The following SNUPN variants were observed in gnomAD, a reference collection of about 807,000 sequenced individuals.
The protein encoded by SNUPN is snurportin-1.
A neutral mutation model predicts 39.2 loss-of-function variants in SNUPN; 31 were observed. That is an observed-to-expected ratio of 0.79 (90% confidence interval 0.59 to 1.07). The LOEUF (loss-of-function observed/expected upper bound fraction) is 1.07, where lower values mean the gene tolerates loss of function less well. SNUPN is among the 50% of genes least tolerant of loss of function. The pLI is 0.00. For missense variants in SNUPN, 382 were observed against 434.2 expected (o/e 0.88, Z 1.07); for synonymous variants, 132 against 159.0 (o/e 0.83, Z 1.28).
chr15:75,624,708 C>A (rs765199693), intron 1 of SNUPN: 1 of 1,260,004 alleles, frequency 7.9e-7, no homozygotes, highest in African/African-American at 1.6e-5. Context: ...TGGGGCGGTT[C>A]CTTTACCTTC....
intron 3 of SNUPN, among the ~76,000 whole-genome samples, chr15:75,613,418 G>A (rs986401131): frequency 6.6e-6 from 1 of 151,844 alleles, no homozygotes; most frequent in Non-Finnish European, 1.5e-5. Context: ...GCCGAGGTGG[G>A]CGGATCACAA....
At chr15:75,602,559 G>A (rs1396601191) in intron 7 of SNUPN, among the ~76,000 whole-genome samples, 2 of 151,334 alleles carry the variant, frequency 1.3e-5, no homozygotes, top group African/African-American at 2.4e-5. Flanking sequence ...TGATGCACAG[G>A]CCCTACTCTG....
intron 3 of SNUPN, among the ~76,000 whole-genome samples, chr15:75,611,247 C>G (rs1892770767): frequency 6.6e-6 from 1 of 151,124 alleles, no homozygotes; most frequent in African/African-American, 2.4e-5. Context: ...CCTTTAGGCA[C>G]TCACTCCCAA....
chr15:75,610,956 T>G (rs1291560527), intron 3 of SNUPN, among the ~76,000 whole-genome samples: 2 of 151,732 alleles, frequency 1.3e-5, no homozygotes, highest in Non-Finnish European at 2.9e-5. Flanking sequence ...GATCACGAGG[T>G]CAAGAGATTG....
intron 3 of SNUPN, among the ~76,000 whole-genome samples, chr15:75,616,010 TAACACA>T (rs1892923687): frequency 6.6e-6 from 1 of 152,218 alleles, no homozygotes; most frequent in Non-Finnish European, 1.5e-5. Context: ...TAGCCTAGTT[TAACACA>T]GAGCAGGTCT....
At position 75,601,172 on chromosome 15, in the gene SNUPN, A is replaced by G. The variant is rs766525955; in HGVS notation, c.725T>C (p.Leu242Pro). 15 of 1,613,854 alleles carry G rather than the reference A, an allele frequency of 9.3e-6. No individual in the cohort carries two copies. The highest frequency in any genetic ancestry group is 1.3e-5 in the Non-Finnish European group (15 of 1,179,766). Reference protein sequence around the residue: ...LKNFPCTPESLCDVLSMDFPF... With the variant: ...LKNFPCTPESPCDVLSMDFPF... ...GAAATCCATAGATAGCACATCACAC[A>G]GGCTTTCGGGAGTGCAAGGGAAGTT... Residue 242 changes from leucine to proline, a missense_variant, in exon 8 of 9, where the codon CTG becomes CCG. Physicochemically the swap from Leu to Pro is moderately conservative, Grantham distance 98 (BLOSUM62 -3). Coordinates refer to ENST00000308588, the MANE Select transcript of SNUPN (RefSeq NM_005701.4).
At position 75,602,347 on chromosome 15, in the gene SNUPN, G is replaced by A. The variant is rs570235386; in HGVS notation, c.679-1129C>T. 1.6e-4 allele frequency among the ~76,000 whole-genome samples: 24 copies of A among 152,048 alleles called. No homozygotes were observed. The South Asian group carries it at 4.4e-3, about 28-fold the overall frequency. On this transcript the variant is annotated intron_variant, in intron 7 of 8. Transcript: ENST00000308588. ...TCGAGACCAGTCTGACCAATATGGC[G>A]AAACCCCGTCTCTACTAAAAATACA...
intron 8 of SNUPN, among the ~76,000 whole-genome samples, chr15:75,599,836 A>ATTTTTTTTTT (rs60918008): frequency 5.7e-5 from 8 of 140,516 alleles, no homozygotes; most frequent in Non-Finnish European, 6.2e-5. Context: ...GACTGGGCAG[A>ATTTTTTTTTT]TTTTTTTTTT....
Position 75,605,211 on chromosome 15 carries a change from T to C in SNUPN, c.617A>G (p.Tyr206Cys). 1 of 1,612,622 alleles carries C rather than the reference T, an allele frequency of 6.2e-7. No homozygotes were observed. Among genetic ancestry groups the C allele is most frequent in the East Asian group, 2.2e-5 (1 of 44,848 alleles). ...FYDCQTDFRF[Y>C]WMHSKLPEEE... is the part of the protein sequence containing the mutation. ...TTCTGGTAACTTTGAATGCATCCAG[T>C]AGAATCGGAAATCAGTCTGCCACAG... Residue 206 changes from tyrosine (Y) to cysteine (C), a missense_variant, in exon 7 of 9, where the codon TAC becomes TGC. Transcript: ENST00000308588.
rs1270866280 is a variant in SNUPN, at chr15:75,607,307, G to A, written c.509C>T (p.Thr170Ile). 6 of 1,607,778 alleles carry A rather than the reference G, an allele frequency of 3.7e-6. No individual in the cohort carries two copies. Among genetic ancestry groups the A allele is most frequent in the African/African-American group, 2.7e-5 (2 of 74,904 alleles). Residue 170 changes from threonine to isoleucine, a missense_variant, in exon 6 of 9, where the codon ACC becomes ATC. Coordinates refer to ENST00000308588, the MANE Select transcript of SNUPN (RefSeq NM_005701.4). ...NRRNSTAKDYTILDCIYNEVN... is the reference protein window; with the variant it reads ...NRRNSTAKDYIILDCIYNEVN... ...CTCATTGTAAATGCAATCTAGAATG[G>A]TGTAGTCTGAGGACACAAAGCAGAA...
rs200448870 is a variant in SNUPN at position 75,598,568 on chromosome 15, C to T, written c.873G>A (p.Pro291=). Residue 291 remains proline, a synonymous_variant, in exon 9 of 9, where the codon CCG becomes CCA. Transcript: ENST00000308588. ...CTGGCTTGGTGGTCAGCGGGCCAGC[C>T]GGCACAGCTACACCAAGGACATCTG... ...MVSDVLGVAV[P]AGPLTTKPDY... 15 of 1,614,154 alleles carry T rather than the reference C, an allele frequency of 9.3e-6. No homozygotes were observed. The highest frequency in any genetic ancestry group is 2.2e-5 in the East Asian group (1 of 44,878).
chr15:75,626,103 C>T (rs1893221726), upstream of SNUPN: 1 of 152,316 alleles, frequency 6.6e-6, no homozygotes, highest in African/African-American at 2.4e-5. Flanking sequence ...CACCTGGAGT[C>T]CCCTTCCCCT....
chr15:75,607,267 G>C lies in SNUPN; in HGVS notation c.549C>G (p.Tyr183Ter). Residue 183 changes from tyrosine (Y) to a stop codon, truncating the protein, a stop_gained, in exon 6 of 9, where the codon TAC (tyrosine) becomes TAG (stop). Coordinates refer to ENST00000308588, the MANE Select transcript of SNUPN (RefSeq NM_005701.4). LOFTEE classifies it high-confidence loss of function. ...DCIYNEVNQT[Y>*]YVLDVMCWRG... is the part of the protein sequence containing the mutation. ...GCCAGCACATCACATCCAGAACGTAGTAGGTCTGGTTTACCTCATTGTAAA... is the reference window on the plus strand; with the variant it reads ...GCCAGCACATCACATCCAGAACGTACTAGGTCTGGTTTACCTCATTGTAAA... 6.2e-7 allele frequency: 1 copy of C among 1,613,820 alleles called. No homozygotes were observed. The highest frequency in any genetic ancestry group is 8.5e-7 in the Non-Finnish European group (1 of 1,179,730).
chr15:75,608,609 A>G (rs1380234083), intron 5 of SNUPN, among the ~76,000 whole-genome samples: 3 of 152,190 alleles, frequency 2.0e-5, no homozygotes, highest in African/African-American at 7.2e-5. Flanking sequence ...TTGGCAGGGA[A>G]GCCCCAGCAT....
rs570759273 is a variant in SNUPN, at chr15:75,620,882, A to C, written c.158+12T>G. The C allele has an allele frequency of 4.3e-6, 7 of 1,611,850 alleles. No homozygotes were observed. Among genetic ancestry groups the C allele is most frequent in the Non-Finnish European group, 2.5e-6 (3 of 1,178,972 alleles). ...CCCAGAGAAAGAAGACAAGGAGTTA[A>C]AGCTTCCTTACGATTTCTGCAGTTC... On this transcript the variant is annotated intron_variant, in intron 2 of 8. Transcript: ENST00000308588.
Position 75,598,140 on chromosome 15 carries a change from T to C in SNUPN, c.*218A>G, listed in dbSNP as rs1033934443. The C allele has an allele frequency of 4.2e-5, 22 of 529,328 alleles. 1 individual carries two copies. Among genetic ancestry groups the C allele is most frequent in the Middle Eastern group, 9.9e-4 (2 of 2,020 alleles). 32.8% of individuals were successfully genotyped at this position (529,328 alleles called of 1,614,324 possible). A position where few individuals can be genotyped will look rare whatever the true frequency, so the allele number is the denominator to read the frequency against. ...TGGATCTGGGATACACTTATCACAG[T>C]AGGAGCTGCTCAAATCAATCTGAAT... On this transcript the variant is annotated 3_prime_UTR_variant, in exon 9 of 9. Transcript: ENST00000308588.
chr15:75,620,402 G>T (rs1893037481), intron 2 of SNUPN, among the ~76,000 whole-genome samples: 3 of 152,146 alleles, frequency 2.0e-5, no homozygotes, highest in Admixed American at 2.0e-4. Flanking sequence ...TTGGCACTTA[G>T]AATTAAGTAT....
chr15:75,600,538 G>A (rs2075277408), intron 8 of SNUPN: 1 of 152,852 alleles, frequency 6.5e-6, no homozygotes, highest in South Asian at 2.1e-4. Context: ...GCCTTCCCAA[G>A]TGCTGGGATT....
intron 6 of SNUPN, among the ~76,000 whole-genome samples, chr15:75,605,694 T>C (rs1248408998): frequency 6.6e-6 from 1 of 152,254 alleles, no homozygotes; most frequent in East Asian, 1.9e-4. Flanking sequence ...TTGGTTTTAG[T>C]TACCAAATTT....
Sources: allele counts gnomAD v4.1 joint callset (sites outside exome capture counted in the v4.1 genomes callset), GRCh38; gene constraint gnomAD v4.1.1; transcripts MANE v1.5; gene names NCBI Gene and HGNC (gene_info 2026-07-23, HGNC 2026-07-21).